STAT1: variants seen among roughly 807,000 people sequenced by gnomAD.
STAT1 encodes the protein signal transducer and activator of transcription 1.
A neutral mutation model predicts 111.7 loss-of-function variants in STAT1; 24 were observed. That is an observed-to-expected ratio of 0.21 (90% confidence interval 0.16 to 0.30). STAT1 has a LOEUF of 0.30. STAT1 is among the 10% of genes least tolerant of loss of function. The probability of loss-of-function intolerance (pLI) is 1.00; values close to 1 mark genes in which losing one functional copy is unlikely to be tolerated. For synonymous variants in STAT1, 332 were observed against 326.5 expected (o/e 1.02, Z -0.18); for missense variants, 351 against 911.9 (o/e 0.38, Z 7.92).
At position 190,986,920 on chromosome 2, in the gene STAT1, C is replaced by A. The variant is rs41270237; in HGVS notation, c.1155G>T (p.Thr385=). 1.2e-6 allele frequency: 2 copies of A among 1,614,158 alleles called. No homozygotes were observed. Among genetic ancestry groups the A allele is most frequent in the African/African-American group, 1.3e-5 (1 of 75,026 alleles). The change falls in exon 14 of 25, where the codon ACG becomes ACT. Residue 385 remains threonine (T), a synonymous_variant. Coordinates refer to ENST00000361099, the MANE Select transcript of STAT1 (RefSeq NM_007315.4). The surrounding 1 kb of genome is among the most constrained non-coding windows in gnomAD (Gnocchi z 5.0). ...CCTCCATGTTCATCACTTTTGTGTGCGTGCCCAAAATGTTGAACTTCCTAA... is the reference window on the plus strand; with the variant it reads ...CCTCCATGTTCATCACTTTTGTGTGAGTGCCCAAAATGTTGAACTTCCTAA... ...KGFRKFNILG[T]HTKVMNMEES...
At position 190,984,910 on chromosome 2, in the gene STAT1, A is replaced by G. The variant is rs1262806424; in HGVS notation, c.1264-517T>C. Among the ~76,000 whole-genome samples the G allele has an allele frequency of 6.6e-6, 1 of 152,160 alleles. No individual in the cohort carries two copies. Reference sequence around the variant, plus strand: ...TGAGCCTCACAACTTAGAACTAGAGAGGTGCAACAGCTAGACCCAGGGAGG... The same window carrying G: ...TGAGCCTCACAACTTAGAACTAGAGGGGTGCAACAGCTAGACCCAGGGAGG... On this transcript the variant is annotated intron_variant, in intron 15 of 24. Coordinates refer to ENST00000361099, the MANE Select transcript of STAT1 (RefSeq NM_007315.4). This position sits in a 1 kb window ranked among gnomAD's most constrained non-coding sequence, Gnocchi z 5.2.
Position 190,989,546 on chromosome 2 carries a change from CTG to C in STAT1, c.1097+67_1097+68del. 1.9e-6 allele frequency: 2 copies of C among 1,055,982 alleles called. No individual in the cohort carries two copies. Among genetic ancestry groups the C allele is most frequent in the South Asian group, 2.9e-5 (2 of 69,400 alleles). 65.4% of individuals were successfully genotyped at this position (1,055,982 alleles called of 1,614,324 possible). A position where few individuals can be genotyped will look rare whatever the true frequency, so the allele number is the denominator to read the frequency against. On this transcript the variant is annotated intron_variant, in intron 12 of 24. Transcript: ENST00000361099. The surrounding 1 kb of genome is among the most constrained non-coding windows in gnomAD (Gnocchi z 5.0). ...AAATCTGCTTATTTAGTGGAGGAAT[CTG>C]TGCTTGAGTAACAAAATCAACATTT...
chr2:190,992,101 A>C (rs780806260), intron 10 of STAT1, among the ~76,000 whole-genome samples: 1 of 152,266 alleles, frequency 6.6e-6, no homozygotes, highest in African/African-American at 2.4e-5. Context: ...GTATGCAACA[A>C]ATTACAATAT....
rs1025048402 is a variant in STAT1, at chr2:190,974,522, T to C, written c.2238+308A>G. Among the ~76,000 whole-genome samples the C allele has an allele frequency of 1.3e-5, 2 of 152,196 alleles. No homozygotes were observed. Among genetic ancestry groups the C allele is most frequent in the African/African-American group, 4.8e-5 (2 of 41,460 alleles). ...GAAAAACATTTGCTTATCAAAGAAA[T>C]CTTAGTTCCTTAATATATGAAATTT... On this transcript the variant is annotated intron_variant, in intron 24 of 24. Transcript: ENST00000361099. This position sits in a 1 kb window ranked among gnomAD's most constrained non-coding sequence, Gnocchi z 4.8.
At position 190,975,028 on chromosome 2, in the gene STAT1, T is replaced by A; in HGVS notation, c.2136-96A>T. The A allele has an allele frequency of 1.0e-6, 1 of 961,750 alleles. No homozygotes were observed. The highest frequency in any genetic ancestry group is 1.6e-6 in the Non-Finnish European group (1 of 607,700). The allele number at this position is 961,750 out of a possible 1,614,324, so 59.6% of individuals were successfully genotyped here. A position where few individuals can be genotyped will look rare whatever the true frequency, so the allele number is the denominator to read the frequency against. On this transcript the variant is annotated intron_variant, in intron 23 of 24. Coordinates refer to ENST00000361099, the MANE Select transcript of STAT1 (RefSeq NM_007315.4). The surrounding 1 kb of genome is among the most constrained non-coding windows in gnomAD (Gnocchi z 5.9). ...CTTTATCTTTTGTCTGTAATTGAAT[T>A]ATCACGTTATATTTTTATTTTGGGT...
rs774979554 is a variant in STAT1, at chr2:190,995,057, T to C, written c.944+4A>G. ...AAGGTACAAATAAATGTCCCTTGAG[T>C]TACCTCTGAATGAGCTGCTGGAAAA... On this transcript the variant is annotated splice_donor_region_variant and intron_variant, in intron 10 of 24. Transcript: ENST00000361099. This position sits in a 1 kb window ranked among gnomAD's most constrained non-coding sequence, Gnocchi z 4.2. 5 of 1,613,400 alleles carry C rather than the reference T, an allele frequency of 3.1e-6. No individual in the cohort carries two copies. The South Asian group carries it at 4.4e-5, about 14-fold the overall frequency.
rs200828443 is a variant in STAT1, at chr2:190,982,566, T to A, written c.1447-48A>T. ...CTAAGGGTTACTACAGAGACACCAG[T>A]CACAAGTGTGGCACTAAAACATATG... On this transcript the variant is annotated intron_variant, in intron 17 of 24. Transcript: ENST00000361099. This position sits in a 1 kb window ranked among gnomAD's most constrained non-coding sequence, Gnocchi z 7.3. 2.6e-4 allele frequency: 417 copies of A among 1,607,210 alleles called. No homozygotes were observed. The highest frequency in any genetic ancestry group is 3.1e-4 in the Non-Finnish European group (366 of 1,173,850).
intron 2 of STAT1, among the ~76,000 whole-genome samples, chr2:191,011,448 GCT>G (rs1173335806): frequency 6.6e-6 from 1 of 152,132 alleles, no homozygotes; most frequent in Non-Finnish European, 1.5e-5. Context: ...ACAGGAACTT[GCT>G]CTGTCATCCA....
In STAT1 at chr2:191,013,511, G is replaced by C. The variant is rs1405476587; in HGVS notation, c.-2+14C>G. 1 of 397,704 alleles carries C rather than the reference G, an allele frequency of 2.5e-6. No homozygotes were observed. Among genetic ancestry groups the C allele is most frequent in the Non-Finnish European group, 4.4e-6 (1 of 225,814 alleles). The allele number at this position is 397,704 out of a possible 1,614,324, so 24.6% of individuals were successfully genotyped here. On this transcript the variant is annotated intron_variant, in intron 2 of 24. Coordinates refer to ENST00000361099, the MANE Select transcript of STAT1 (RefSeq NM_007315.4). ...CATGTACTCATTCATCTGATTCCAT[G>C]AACATTTACTGACCTGCCACCTTGT...
chr2:191,001,445 T>C (rs41446247), intron 5 of STAT1, among the ~76,000 whole-genome samples: 2,083 of 152,332 alleles, frequency 0.014, 54 homozygotes, highest in African/African-American at 0.047. Flanking sequence ...CGCTGGAATT[T>C]AGTTCACGGT....
Position 190,983,480 on chromosome 2 carries a change from A to G in STAT1, c.1446+162T>C, listed in dbSNP as rs150611797. ...TAATTCTCATTTCAAATACATATCC[A>G]TGCTTCATATTCCCAGATTTACTCA... On this transcript the variant is annotated intron_variant, in intron 17 of 24. Coordinates refer to ENST00000361099, the MANE Select transcript of STAT1 (RefSeq NM_007315.4). The surrounding 1 kb of genome is among the most constrained non-coding windows in gnomAD (Gnocchi z 5.7). Among the ~76,000 whole-genome samples, 893 of 152,322 alleles carry G rather than the reference A, an allele frequency of 5.9e-3. 4 individuals are homozygous for G. The highest frequency in any genetic ancestry group is 0.01 in the Non-Finnish European group (694 of 68,036).
intron 10 of STAT1, among the ~76,000 whole-genome samples, chr2:190,992,241 G>A (rs554073826): frequency 3.3e-5 from 5 of 152,094 alleles, no homozygotes; most frequent in African/African-American, 1.2e-4. Context: ...TAAACTTTAC[G>A]CATGGAAAGT....
chr2:190,992,772 T>C lies in STAT1; in HGVS notation c.945-1452A>G, dbSNP rs547789893. On this transcript the variant is annotated intron_variant, in intron 10 of 24. Coordinates refer to ENST00000361099, the MANE Select transcript of STAT1 (RefSeq NM_007315.4). ...AGCTGCCATCATCATGGAACACAGT[T>C]CTACATTCATTGCATTCTTTCTTTT... 2.9e-4 allele frequency: 188 copies of C among 650,098 alleles called. 1 individual carries two copies. In the African/African-American group the frequency reaches 3.4e-3, roughly 12 times the overall value. 40.3% of individuals were successfully genotyped at this position (650,098 alleles called of 1,614,324 possible). A position where few individuals can be genotyped will look rare whatever the true frequency, so the allele number is the denominator to read the frequency against.
rs1693174172 is a variant in STAT1, at chr2:190,989,739, A to T, written c.1038-65T>A. The T allele has an allele frequency of 2.5e-6, 3 of 1,189,250 alleles. No individual in the cohort carries two copies. The South Asian group carries it at 4.0e-5, about 16-fold the overall frequency. 73.7% of individuals were successfully genotyped at this position (1,189,250 alleles called of 1,614,324 possible). A position where few individuals can be genotyped will look rare whatever the true frequency, so the allele number is the denominator to read the frequency against. On this transcript the variant is annotated intron_variant, in intron 11 of 24. Coordinates refer to ENST00000361099, the MANE Select transcript of STAT1 (RefSeq NM_007315.4). The surrounding 1 kb of genome is among the most constrained non-coding windows in gnomAD (Gnocchi z 5.0). ...TCTGTTACAATTTATTTATTATGCC[A>T]ATTCCCTATTAACGTTTAGATAAAC...
rs1414856899 is a variant in STAT1 at position 190,982,205 on chromosome 2, ATTTC to A, written c.1582+174_1582+177del. 6.6e-6 allele frequency among the ~76,000 whole-genome samples: 1 copy of A among 152,254 alleles called. No individual in the cohort carries two copies. The highest frequency in any genetic ancestry group is 2.4e-5 in the African/African-American group (1 of 41,468). Reference sequence around the variant, plus strand: ...TTCATTTAAATGTTATCAGGTCTATATTTCTTTCTAAGGTGACATATGATTCTCA... The same window carrying A: ...TTCATTTAAATGTTATCAGGTCTATATTTCTAAGGTGACATATGATTCTCA... On this transcript the variant is annotated intron_variant, in intron 18 of 24. Coordinates refer to ENST00000361099, the MANE Select transcript of STAT1 (RefSeq NM_007315.4). The surrounding 1 kb of genome is among the most constrained non-coding windows in gnomAD (Gnocchi z 7.3).
rs1692610656 is a variant in STAT1, at chr2:190,984,299, A to G, written c.1347+11T>C. On this transcript the variant is annotated intron_variant, in intron 16 of 24. Transcript: ENST00000361099. The surrounding 1 kb of genome is among the most constrained non-coding windows in gnomAD (Gnocchi z 5.2). ...ATGAAGTTTTCCAACTCGGGACCAT[A>G]AAAGTCTTACCTCGAGGTCAATTAC... is the stretch of plus-strand genomic sequence containing the variant. 1.9e-6 allele frequency: 3 copies of G among 1,607,568 alleles called. No homozygotes were observed. The highest frequency in any genetic ancestry group is 2.7e-5 in the African/African-American group (2 of 74,776).
Position 190,979,872 on chromosome 2 carries a change from A to G in STAT1, c.1633-6T>C. On this transcript the variant is annotated splice_region_variant and splice_polypyrimidine_tract_variant and intron_variant, in intron 19 of 24. Transcript: ENST00000361099. The surrounding 1 kb of genome is among the most constrained non-coding windows in gnomAD (Gnocchi z 5.8). ...TTTTTATCATTTATATTTTCCTGAA[A>G]GTATACAAATGCAGACATTATGAAC... 6.3e-7 allele frequency: 1 copy of G among 1,582,690 alleles called. No individual in the cohort carries two copies. Among genetic ancestry groups the G allele is most frequent in the Non-Finnish European group, 8.7e-7 (1 of 1,151,516 alleles).
At position 190,998,700 on chromosome 2, in the gene STAT1, A is replaced by C. The variant is rs966498619; in HGVS notation, c.542-392T>G. On this transcript the variant is annotated intron_variant, in intron 7 of 24. Coordinates refer to ENST00000361099, the MANE Select transcript of STAT1 (RefSeq NM_007315.4). This position sits in a 1 kb window ranked among gnomAD's most constrained non-coding sequence, Gnocchi z 4.1. ...AAAAAACAAAAAAAAAACAAAAAAA[A>C]CTTGTTTTCAGTGACCCATGTAAAT... Among the ~76,000 whole-genome samples, 2 of 151,310 alleles carry C rather than the reference A, an allele frequency of 1.3e-5. No individual in the cohort carries two copies. The highest frequency in any genetic ancestry group is 4.8e-5 in the African/African-American group (2 of 41,288).
Position 191,009,047 on chromosome 2 carries a change from C to T in STAT1, c.189G>A (p.Gln63=), listed in dbSNP as rs758357489. Reference sequence around the variant, plus strand: ...AAAAGCGACTATATTGATCATCCAGCTGTGACAGGAGGTCATGAAAACGGA... The same window carrying T: ...AAAAGCGACTATATTGATCATCCAGTTGTGACAGGAGGTCATGAAAACGGA... ...ATIRFHDLLS[Q]LDDQYSRFSL... is the part of the protein sequence containing the mutation. Residue 63 remains glutamine (Q), a synonymous_variant, in exon 4 of 25, where the codon CAG becomes CAA. Transcript: ENST00000361099. 6.8e-6 allele frequency: 11 copies of T among 1,614,082 alleles called. No homozygotes were observed. Among genetic ancestry groups the T allele is most frequent in the Middle Eastern group, 1.7e-4 (1 of 6,060 alleles).
Sources: gnomAD v4.1 joint callset for allele counts (sites outside exome capture counted in the v4.1 genomes callset) on GRCh38, gnomAD v4.1.1 for gene constraint, Gnocchi (gnomAD v3.1) non-coding constraint, MANE v1.5 for transcripts, NCBI Gene and HGNC (gene_info 2026-07-23, HGNC 2026-07-21) for gene names.